The following GPD2 variants were observed in gnomAD, a reference collection of about 807,000 sequenced individuals.
The protein encoded by GPD2 is glycerol-3-phosphate dehydrogenase 2.
GPD2 carries 54 observed loss-of-function variants against 82.4 expected under a neutral mutation model. The ratio of observed to expected loss-of-function variants is 0.66; its 90% CI spans 0.53 to 0.82. The LOEUF is 0.82. GPD2 is among the 40% of genes least tolerant of loss of function. The pLI is 0.00. For synonymous variants in GPD2, 288 were observed against 306.1 expected (o/e 0.94, Z 0.62); for missense variants, 748 against 896.2 (o/e 0.83, Z 2.11).
intron 16 of GPD2, among the ~76,000 whole-genome samples, chr2:156,582,355 G>A (rs564356479): frequency 1.3e-5 from 2 of 151,554 alleles, no homozygotes; most frequent in South Asian, 2.1e-4. Context: ...TAGGGGACTC[G>A]AAGTTGTCAA....
chr2:156,467,883 G>A (rs1032172341), intron 1 of GPD2, among the ~76,000 whole-genome samples: 9 of 152,086 alleles, frequency 5.9e-5, no homozygotes, highest in African/African-American at 2.2e-4. Flanking sequence ...GTGTGTTTCT[G>A]TAGGAATCAC....
At chr2:156,504,650 A>G (rs1006545646) in intron 3 of GPD2, among the ~76,000 whole-genome samples, 2 of 152,030 alleles carry the variant, frequency 1.3e-5, no homozygotes, top group Non-Finnish European at 2.9e-5. Context: ...TTGCAGCACT[A>G]TCTGTAATAG....
chr2:156,460,527 A>C (rs1682953233), intron 1 of GPD2, among the ~76,000 whole-genome samples: 2 of 152,238 alleles, frequency 1.3e-5, no homozygotes, highest in African/African-American at 2.4e-5. Context: ...AGCTTCACAC[A>C]GCTCTTAACT....
intron 2 of GPD2, among the ~76,000 whole-genome samples, chr2:156,491,317 G>A (rs1684166774): frequency 6.6e-6 from 1 of 152,216 alleles, no homozygotes; most frequent in Non-Finnish European, 1.5e-5. Flanking sequence ...AGTCTCTGAT[G>A]CAACTATTCA....
chr2:156,435,553 G>C (rs1688399686), upstream of GPD2: 1 of 151,864 alleles, frequency 6.6e-6, no homozygotes, highest in South Asian at 2.1e-4. Flanking sequence ...CCTGTGCTCA[G>C]CATTCCACCC....
intron 12 of GPD2, among the ~76,000 whole-genome samples, chr2:156,570,431 T>G (rs555958123): frequency 6.6e-6 from 1 of 152,304 alleles, no homozygotes; most frequent in Admixed American, 6.5e-5. Flanking sequence ...AATAACAACA[T>G]AAAATATAGG....
At chr2:156,491,974 T>G (rs1303879082) in intron 2 of GPD2, among the ~76,000 whole-genome samples, 1 of 150,534 alleles carries the variant, frequency 6.6e-6, no homozygotes, top group Non-Finnish European at 1.5e-5. Context: ...GAGCCGAGAT[T>G]GTGCCACTGC....
rs559475258 is a variant in GPD2 at position 156,536,904 on chromosome 2, A to T, written c.662-12704A>T. Among the ~76,000 whole-genome samples the T allele has an allele frequency of 2.0e-5, 3 of 152,332 alleles. No individual in the cohort carries two copies. The South Asian group carries it at 6.2e-4, about 32-fold the overall frequency. On this transcript the variant is annotated intron_variant, in intron 6 of 16. Coordinates refer to ENST00000438166, the MANE Select transcript of GPD2 (RefSeq NM_000408.5). The stretch of plus-strand genomic sequence containing the variant: ...AGTATCTTCAGGATTCTGTGGGAAG[A>T]GGAGGGGGTCTATGGAGGACACTAG...
chr2:156,401,113 T>TATAC, the GPD2 span, among the ~76,000 whole-genome samples: 3 of 152,188 alleles, frequency 2.0e-5, no homozygotes, highest in Non-Finnish European at 4.4e-5. Flanking sequence ...CTCCTGTGTA[T>TATAC]GATACCCACA....
chr2:156,432,617 G>C (rs955706147), upstream of GPD2, among the ~76,000 whole-genome samples: 2 of 152,150 alleles, frequency 1.3e-5, no homozygotes, highest in African/African-American at 4.8e-5. Flanking sequence ...TTTTAGGGCT[G>C]TGCATTTTTA....
chr2:156,411,731 C>T, the GPD2 span, among the ~76,000 whole-genome samples: 1 of 152,114 alleles, frequency 6.6e-6, no homozygotes, highest in East Asian at 1.9e-4. Flanking sequence ...TCTGCTATGA[C>T]CTTAAGGGTC....
chr2:156,480,759 T>C (rs1392540856), intron 2 of GPD2, among the ~76,000 whole-genome samples: 2 of 150,466 alleles, frequency 1.3e-5, no homozygotes, highest in Non-Finnish European at 3.0e-5. Context: ...AATATGAAAA[T>C]CAAGATCTCT....
At chr2:156,406,769 G>A in the GPD2 span, among the ~76,000 whole-genome samples, 32 of 152,280 alleles carry the variant, frequency 2.1e-4, no homozygotes, top group South Asian at 4.6e-3. Context: ...GAGCTGTGCC[G>A]CTTGGCAGAA....
At chr2:156,536,733 G>GT (rs1261031767) in intron 6 of GPD2, among the ~76,000 whole-genome samples, 1 of 152,216 alleles carries the variant, frequency 6.6e-6, no homozygotes, top group Non-Finnish European at 1.5e-5. Flanking sequence ...AGACCAAGGA[G>GT]TGGCAGCAGT....
intron 3 of GPD2, among the ~76,000 whole-genome samples, chr2:156,504,879 A>G (rs1050940889): frequency 2.0e-5 from 3 of 152,138 alleles, no homozygotes; most frequent in Admixed American, 2.0e-4. Context: ...ATATACATGC[A>G]TAGAAAATGT....
At chr2:156,418,251 G>A in the GPD2 span, among the ~76,000 whole-genome samples, 2 of 151,582 alleles carry the variant, frequency 1.3e-5, no homozygotes, top group South Asian at 2.1e-4. Context: ...AAAATTAGCC[G>A]GACGTGGTGG....
At chr2:156,445,614 T>C (rs1022570507) in intron 1 of GPD2, among the ~76,000 whole-genome samples, 3 of 152,246 alleles carry the variant, frequency 2.0e-5, no homozygotes, top group African/African-American at 7.2e-5. Context: ...TGCAACTTGG[T>C]ATCAGTCTTC....
chr2:156,580,440 C>T (rs1687986576), intron 16 of GPD2, among the ~76,000 whole-genome samples: 1 of 152,244 alleles, frequency 6.6e-6, no homozygotes, highest in East Asian at 1.9e-4. Flanking sequence ...TGCTACATAT[C>T]GTTTCTTAAA....
At chr2:156,437,733 C>T (rs1292776481) in intron 1 of GPD2, among the ~76,000 whole-genome samples, 1 of 152,158 alleles carries the variant, frequency 6.6e-6, no homozygotes, top group Non-Finnish European at 1.5e-5. Context: ...AAATTCTAAA[C>T]AGCATTAGAG....
Sources: gnomAD v4.1 joint callset for allele counts (sites outside exome capture counted in the v4.1 genomes callset) on GRCh38, gnomAD v4.1.1 for gene constraint, MANE v1.5 for transcripts, NCBI Gene and HGNC (gene_info 2026-07-23, HGNC 2026-07-21) for gene names.